The following RBMS3 variants were observed in gnomAD, a reference collection of about 807,000 sequenced individuals.
RBMS3 encodes the protein RNA-binding motif, single-stranded-interacting protein 3.
In RBMS3, 27 loss-of-function variants were observed where a neutral mutation model predicts 66.8. The observed-to-expected ratio is 0.40, with a 90% CI of 0.30 to 0.56. The LOEUF (loss-of-function observed/expected upper bound fraction) is 0.56. Among genes scored for constraint, RBMS3 ranks in the 20% least tolerant of loss-of-function variants. The probability of loss-of-function intolerance (pLI) is 0.40; values close to 1 mark genes in which losing one functional copy is unlikely to be tolerated. For missense variants in RBMS3, 513 were observed against 549.5 expected (o/e 0.93, Z 0.66); for synonymous variants, 188 against 183.0 (o/e 1.03, Z -0.22).
At chr3:29,800,227 T>A (rs2057345821) in intron 6 of RBMS3, among the ~76,000 whole-genome samples, 1 of 139,950 alleles carries the variant, frequency 7.1e-6, no homozygotes, top group African/African-American at 2.5e-5. Context: ...CCTTAATTTT[T>A]TTTTTTTACC....
intron 1 of RBMS3, among the ~76,000 whole-genome samples, chr3:29,370,169 C>G (rs1021784205): frequency 6.6e-6 from 1 of 152,168 alleles, no homozygotes; most frequent in Non-Finnish European, 1.5e-5. Flanking sequence ...CGTATTTTCT[C>G]TATCACTTTC....
chr3:29,774,912 A>AT (rs2056368181), intron 6 of RBMS3, among the ~76,000 whole-genome samples: 1 of 145,982 alleles, frequency 6.9e-6, no homozygotes, highest in Admixed American at 6.9e-5. Flanking sequence ...AAATAAATAA[A>AT]CATCTAAATT....
At chr3:29,455,456 T>C (rs2042154085) in intron 2 of RBMS3, among the ~76,000 whole-genome samples, 1 of 152,150 alleles carries the variant, frequency 6.6e-6, no homozygotes, top group Non-Finnish European at 1.5e-5. Flanking sequence ...TATCAAATAT[T>C]GAACCAGAGC....
At chr3:29,504,780 A>T (rs1001970284) in intron 3 of RBMS3, among the ~76,000 whole-genome samples, 1 of 151,806 alleles carries the variant, frequency 6.6e-6, no homozygotes, top group African/African-American at 2.4e-5. Flanking sequence ...CCTAATAGCC[A>T]TTCTAACAGG....
chr3:29,473,398 G>T lies in RBMS3; in HGVS notation c.249-15043G>T, dbSNP rs1299112956. Among the ~76,000 whole-genome samples the T allele has an allele frequency of 2.6e-5, 4 of 152,364 alleles. No individual in the cohort carries two copies. In the East Asian group the frequency reaches 5.8e-4, roughly 22 times the overall value. On this transcript the variant is annotated intron_variant, in intron 2 of 14. Transcript: ENST00000383767. The stretch of plus-strand genomic sequence containing the variant: ...TCACAAACCCTTAGCTAGACATAAA[G>T]GTTCTCCAAGTTCCCACTAGACTCA...
At chr3:29,950,672 C>G (rs976682355) in intron 12 of RBMS3, among the ~76,000 whole-genome samples, 2 of 151,650 alleles carry the variant, frequency 1.3e-5, no homozygotes, top group African/African-American at 2.4e-5. Context: ...GCAAAATGCC[C>G]GAACCATAAA....
chr3:29,369,519 C>CAT (rs2038083798), intron 1 of RBMS3, among the ~76,000 whole-genome samples: 1 of 150,698 alleles, frequency 6.6e-6, no homozygotes, highest in Non-Finnish European at 1.5e-5. Flanking sequence ...CACACACACA[C>CAT]ACACACACAC....
At chr3:29,406,861 A>G (rs1206722158) in intron 1 of RBMS3, among the ~76,000 whole-genome samples, 1 of 152,250 alleles carries the variant, frequency 6.6e-6, no homozygotes, top group East Asian at 1.9e-4. Context: ...AACAATAGTT[A>G]AAATAGGCAG....
chr3:29,331,288 G>T (rs1351583660), intron 1 of RBMS3, among the ~76,000 whole-genome samples: 3 of 152,070 alleles, frequency 2.0e-5, no homozygotes, highest in Non-Finnish European at 2.9e-5. Flanking sequence ...ACTGCCTTAG[G>T]ACAGCTGGAG....
chr3:29,537,037 C>A (rs2045580118), intron 3 of RBMS3, among the ~76,000 whole-genome samples: 1 of 152,132 alleles, frequency 6.6e-6, no homozygotes, highest in Non-Finnish European at 1.5e-5. Flanking sequence ...TGCTTTCTTT[C>A]TTGAAATGAT....
intron 7 of RBMS3, chr3:29,880,659 A>C: frequency 1.2e-6 from 1 of 833,634 alleles, no homozygotes; most frequent in Non-Finnish European, 2.0e-6. Context: ...TTGTGCTATT[A>C]TATTCAGCCA....
intron 6 of RBMS3, among the ~76,000 whole-genome samples, chr3:29,783,334 G>A (rs1319594428): frequency 6.6e-6 from 1 of 152,206 alleles, no homozygotes; most frequent in Non-Finnish European, 1.5e-5. Flanking sequence ...AAACCTATCA[G>A]ATTAACAGCA....
intron 4 of RBMS3, among the ~76,000 whole-genome samples, chr3:29,719,463 T>G (rs1231975875): frequency 6.6e-6 from 1 of 152,186 alleles, no homozygotes; most frequent in African/African-American, 2.4e-5. Flanking sequence ...GTTCCACGAC[T>G]GTGTTGAGCC....
intron 10 of RBMS3, among the ~76,000 whole-genome samples, chr3:29,924,050 T>A (rs1559804510): frequency 1.3e-5 from 2 of 152,358 alleles, no homozygotes; most frequent in East Asian, 3.9e-4. Context: ...ACAGACAAAC[T>A]GATTGCAAAT....
intron 4 of RBMS3, among the ~76,000 whole-genome samples, chr3:29,633,587 T>C (rs1048659123): frequency 1.3e-5 from 2 of 151,844 alleles, no homozygotes; most frequent in Non-Finnish European, 2.9e-5. Flanking sequence ...GCTTGTTTTT[T>C]CTTGGGAAAC....
At chr3:29,847,406 C>T (rs750146447) in intron 6 of RBMS3, among the ~76,000 whole-genome samples, 5 of 152,178 alleles carry the variant, frequency 3.3e-5, no homozygotes, top group Admixed American at 2.0e-4. Context: ...TTTCAGCACA[C>T]AAAGCCCTTG....
At chr3:29,582,324 G>A (rs2047361549) in intron 3 of RBMS3, among the ~76,000 whole-genome samples, 1 of 152,216 alleles carries the variant, frequency 6.6e-6, no homozygotes, top group African/African-American at 2.4e-5. Flanking sequence ...ATCTGCCAAT[G>A]GAATGAGTGT....
chr3:29,862,864 GAA>G (rs5847603), intron 6 of RBMS3, among the ~76,000 whole-genome samples: 1 of 91,440 alleles, frequency 1.1e-5, no homozygotes. Flanking sequence ...AAAGAAAAAA[GAA>G]AAAAAAAAAA....
At chr3:29,473,849 G>T (rs763393627) in intron 2 of RBMS3, among the ~76,000 whole-genome samples, 5 of 152,214 alleles carry the variant, frequency 3.3e-5, no homozygotes, top group Admixed American at 2.0e-4. Context: ...TCCCGCAAGC[G>T]CCGCGCGCAG....
Sources: allele counts gnomAD v4.1 joint callset (sites outside exome capture counted in the v4.1 genomes callset), GRCh38; gene constraint gnomAD v4.1.1; transcripts MANE v1.5; gene names NCBI Gene and HGNC (gene_info 2026-07-23, HGNC 2026-07-21).